Variants in ERN1 observed in about 807,000 individuals in gnomAD.
The protein encoded by ERN1 is endoplasmic reticulum to nucleus signaling 1, also known as serine/threonine-protein kinase/endoribonuclease IRE1.
ERN1 carries 39 observed loss-of-function variants against 113.1 expected under a neutral mutation model. The observed-to-expected ratio is 0.34, with a 90% CI of 0.27 to 0.45. The LOEUF (loss-of-function observed/expected upper bound fraction) is 0.45, where lower values mean the gene tolerates loss of function less well. Among genes scored for constraint, ERN1 ranks in the 20% least tolerant of loss-of-function variants. The pLI is 1.00. For synonymous variants in ERN1, 507 were observed against 515.9 expected (o/e 0.98, Z 0.23); for missense variants, 976 against 1,274.8 (o/e 0.77, Z 3.57).
chr17:64,116,654 A>ACACACAC (rs1555619766), intron 1 of ERN1, among the ~76,000 whole-genome samples: 132 of 149,774 alleles, frequency 8.8e-4, no homozygotes, highest in African/African-American at 3.1e-3. Flanking sequence ...AAAAAAAAAT[A>ACACACAC]ACACACACAC....
chr17:64,069,545 C>G (rs1263012460), intron 6 of ERN1, among the ~76,000 whole-genome samples: 1 of 152,190 alleles, frequency 6.6e-6, no homozygotes, highest in Non-Finnish European at 1.5e-5. Context: ...AAACTGGGCC[C>G]TAATGAAGGA....
At position 64,088,592 on chromosome 17, in the gene ERN1, C is replaced by T. The variant is rs577859196; in HGVS notation, c.176-7784G>A. On this transcript the variant is annotated intron_variant, in intron 2 of 21. Coordinates refer to ENST00000433197, the MANE Select transcript of ERN1 (RefSeq NM_001433.5). Reference sequence around the variant, plus strand: ...CTACTAGTAACTTTCTGTTGAGATGCGCCAAACACATCTCAGAAACAACTG... The same window carrying T: ...CTACTAGTAACTTTCTGTTGAGATGTGCCAAACACATCTCAGAAACAACTG... Among the ~76,000 whole-genome samples the T allele has an allele frequency of 6.6e-5, 10 of 152,266 alleles. No homozygotes were observed. In the South Asian group the frequency reaches 1.7e-3, roughly 25 times the overall value.
At position 64,052,926 on chromosome 17, in the gene ERN1, C is replaced by T. The variant is rs750842031; in HGVS notation, c.2107G>A (p.Gly703Ser). The change falls in exon 17 of 22, where the codon GGC (glycine) becomes AGC (serine). Residue 703 changes from glycine to serine, a missense_variant. Physicochemically the swap from Gly to Ser is moderately conservative, Grantham distance 56. Around this residue, in one of 5 missense-constraint regions of ERN1, gnomAD observed 297 missense variants for 457.8 expected, o/e 0.65. Transcript: ENST00000433197. ...TCGGAGATCATGGCCTTGATCTTGC[C>T]GTGTGCATTGGGCATGGATATGAGG... The part of the protein sequence containing the change: ...NILISMPNAH[G>S]KIKAMISDFG... 5.6e-6 allele frequency: 9 copies of T among 1,613,600 alleles called. No individual in the cohort carries two copies. Among genetic ancestry groups the T allele is most frequent in the East Asian group, 2.2e-5 (1 of 44,884 alleles).
intron 9 of ERN1, 115 bp downstream of exon 9, chr17:64,065,093 TA>T (rs1446042407): frequency 1.1e-5 from 7 of 661,188 alleles, no homozygotes; most frequent in Non-Finnish European, 1.8e-5. Flanking sequence ...TTTGAGAACT[TA>T]AGATTTGTGT....
Position 64,054,783 on chromosome 17 carries a change from G to T in ERN1, c.1718C>A (p.Pro573His). 1 of 1,610,398 alleles carries T rather than the reference G, an allele frequency of 6.2e-7. No individual in the cohort carries two copies. Among genetic ancestry groups the T allele is most frequent in the East Asian group, 2.2e-5 (1 of 44,822 alleles). Residue 573 changes from proline to histidine, a missense_variant, in exon 14 of 22, where the codon CCC (proline) becomes CAC (histidine). By Grantham distance (77) the Pro-to-His change is moderately conservative. This residue lies in a region of ERN1 where 112 missense variants were observed against 106.2 expected (regional missense o/e 1.05). Transcript: ENST00000433197. This position sits in a 1 kb window ranked among gnomAD's most constrained non-coding sequence, Gnocchi z 4.9. ...VVIVGKISFC[P>H]KDVLGHGAEG... Reference sequence around the variant, plus strand: ...AGCTCCATGGCCCAGGACATCCTTGGGACAGAAGGAAATTTTCCCAACTAT... The same window carrying T: ...AGCTCCATGGCCCAGGACATCCTTGTGACAGAAGGAAATTTTCCCAACTAT...
At chr17:64,071,495 A>G (rs923431143) in intron 6 of ERN1, among the ~76,000 whole-genome samples, 12 of 151,486 alleles carry the variant, frequency 7.9e-5, no homozygotes, top group Admixed American at 3.9e-4. Flanking sequence ...ATCTTGGCTC[A>G]CTGCAACCTC....
At chr17:64,050,044 G>C (rs1292279443) in intron 17 of ERN1, among the ~76,000 whole-genome samples, 2 of 152,198 alleles carry the variant, frequency 1.3e-5, no homozygotes, top group Non-Finnish European at 2.9e-5. Context: ...CAACAACCTT[G>C]TGAGGCGAGC....
rs750083809 is a variant in ERN1 at position 64,064,041 on chromosome 17, G to A, written c.1032C>T (p.Pro344=). Residue 344 remains proline, a synonymous_variant, in exon 10 of 22, where the codon CCC becomes CCT. Transcript: ENST00000433197. The part of the protein sequence containing the change: ...ITPSTDVKFD[P]GLKSKNKLNY... ...TGAGCTTGTTCTTGCTTTTGAGTCC[G>A]GGATCAAACTTGACGTCCGTGCTGG... 1.9e-5 allele frequency: 30 copies of A among 1,613,816 alleles called. No homozygotes were observed. Among genetic ancestry groups the A allele is most frequent in the Middle Eastern group, 1.6e-4 (1 of 6,082 alleles).
intron 2 of ERN1, among the ~76,000 whole-genome samples, chr17:64,091,731 C>A (rs1223218503): frequency 1.3e-5 from 2 of 152,108 alleles, no homozygotes; most frequent in Non-Finnish European, 2.9e-5. Context: ...AAGTAGGGCA[C>A]CTGCTGGGCA....
At chr17:64,099,267 T>C (rs188631359) in intron 1 of ERN1, among the ~76,000 whole-genome samples, 1 of 140,028 alleles carries the variant, frequency 7.1e-6, no homozygotes, top group East Asian at 1.9e-4. Flanking sequence ...GTTACAATTA[T>C]ACTGGACAGA....
At chr17:64,127,658 G>A (rs1177392737) in intron 1 of ERN1, among the ~76,000 whole-genome samples, 1 of 151,782 alleles carries the variant, frequency 6.6e-6, no homozygotes, top group Non-Finnish European at 1.5e-5. Flanking sequence ...GGAGGCTGAG[G>A]CAGGAGAATC....
chr17:64,102,645 ACTGAGCACAG>A, intron 1 of ERN1: 2 of 984,458 alleles, frequency 2.0e-6, no homozygotes, highest in Non-Finnish European at 2.4e-6. Flanking sequence ...CTTGTGTGAT[ACTGAGCACAG>A]CTGAGAACTA....
intron 1 of ERN1, among the ~76,000 whole-genome samples, chr17:64,098,805 C>T (rs1326329084): frequency 6.6e-6 from 1 of 152,066 alleles, no homozygotes; most frequent in Non-Finnish European, 1.5e-5. Flanking sequence ...AACTGGTCCT[C>T]ACTTAGAATA....
intron 1 of ERN1, chr17:64,129,008 G>A (rs1915156575): frequency 6.6e-6 from 1 of 151,966 alleles, no homozygotes; most frequent in Non-Finnish European, 1.5e-5. Flanking sequence ...CTTTAAAGAG[G>A]TCATTAAACA....
At chr17:64,074,030 G>A (rs570100302) in intron 5 of ERN1, among the ~76,000 whole-genome samples, 4 of 152,224 alleles carry the variant, frequency 2.6e-5, no homozygotes, top group East Asian at 1.9e-4. Context: ...CCCATGGATC[G>A]CAACTCTGTT....
intron 1 of ERN1, chr17:64,129,732 T>C (rs999380919): frequency 5.5e-5 from 21 of 384,700 alleles, no homozygotes; most frequent in Non-Finnish European, 8.7e-5. Context: ...ACAGCCGCGC[T>C]GGCTTGGGAG....
chr17:64,054,540 C>T lies in ERN1; in HGVS notation c.1764-101G>A, dbSNP rs1160827582. On this transcript the variant is annotated intron_variant, in intron 14 of 21. Transcript: ENST00000433197. The surrounding 1 kb of genome is among the most constrained non-coding windows in gnomAD (Gnocchi z 4.9). The stretch of plus-strand genomic sequence containing the variant: ...ACAGCATTCACCTACTGCCTCCCAG[C>T]CTAGAGAGCCCCGCCTGACTGCCTG... 8.2e-7 allele frequency: 1 copy of T among 1,218,022 alleles called. No individual in the cohort carries two copies. The highest frequency in any genetic ancestry group is 1.5e-5 in the African/African-American group (1 of 66,128). The allele number at this position is 1,218,022 out of a possible 1,614,324, so 75.5% of individuals were successfully genotyped here.
chr17:64,097,885 C>T, intron 2 of ERN1: 1 of 492,582 alleles, frequency 2.0e-6, no homozygotes, highest in Non-Finnish European at 3.6e-6. Context: ...GAAGTCTAAA[C>T]AGAAGCAAAA....
intron 1 of ERN1, among the ~76,000 whole-genome samples, chr17:64,107,570 C>T (rs139022860): frequency 6.6e-6 from 1 of 152,160 alleles, no homozygotes; most frequent in Non-Finnish European, 1.5e-5. Context: ...AATCTTCCCG[C>T]CTCACCTCTC....
Sources: gnomAD v4.1 joint callset for allele counts (sites outside exome capture counted in the v4.1 genomes callset) on GRCh38, gnomAD v4.1.1 for gene constraint, gnomAD v4.1.1 regional missense constraint, Gnocchi (gnomAD v3.1) non-coding constraint, MANE v1.5 for transcripts, NCBI Gene and HGNC (gene_info 2026-07-23, HGNC 2026-07-21) for gene names.